XYLT1: variants seen among roughly 807,000 people sequenced by gnomAD.
The protein encoded by XYLT1 is beta-D-xylosyltransferase 1.
Under a neutral mutation model 91.3 loss-of-function variants are expected in XYLT1, and 36 were observed. The ratio of observed to expected loss-of-function variants is 0.39; its 90% CI spans 0.30 to 0.52. The LOEUF is 0.52. Among genes scored for constraint, XYLT1 ranks in the 20% least tolerant of loss-of-function variants. The pLI, the probability that XYLT1 is intolerant of heterozygous loss-of-function variation, is 0.68. For synonymous variants in XYLT1, 588 were observed against 532.0 expected (o/e 1.11, Z -1.45); for missense variants, 1,242 against 1,284.5 (o/e 0.97, Z 0.51).
In XYLT1 at chr16:17,238,488, T is replaced by C. The variant is rs115658417; in HGVS notation, c.913+20500A>G. ...TTGGAAAGTAGCCACAGATGATGCA[T>C]AAATGAATGGGCGTGGTAGTGTTTT... is the stretch of plus-strand genomic sequence containing the variant. On this transcript the variant is annotated intron_variant, in intron 3 of 11. Coordinates refer to ENST00000261381, the MANE Select transcript of XYLT1 (RefSeq NM_022166.4). Among the ~76,000 whole-genome samples, 281 of 152,344 alleles carry C rather than the reference T, an allele frequency of 1.8e-3. 2 individuals carry two copies. The highest frequency in any genetic ancestry group is 0.01 in the Middle Eastern group (3 of 294).
intron 2 of XYLT1, among the ~76,000 whole-genome samples, chr16:17,296,722 T>C (rs554165166): frequency 6.6e-6 from 1 of 152,320 alleles, no homozygotes; most frequent in East Asian, 1.9e-4. Context: ...AAGGACAGGC[T>C]GCAAGAATCT....
chr16:17,188,348 A>T (rs1238668444), intron 5 of XYLT1, among the ~76,000 whole-genome samples: 1 of 152,192 alleles, frequency 6.6e-6, no homozygotes, highest in African/African-American at 2.4e-5. Flanking sequence ...ACCCAACAGG[A>T]CATCTCAAGT....
chr16:17,396,167 T>G (rs1052105163), intron 1 of XYLT1, among the ~76,000 whole-genome samples: 1 of 152,228 alleles, frequency 6.6e-6, no homozygotes, highest in African/African-American at 2.4e-5. Context: ...ACACCCCTCC[T>G]GTACAGGTTT....
At chr16:17,123,056 C>T (rs557224346) in intron 10 of XYLT1, among the ~76,000 whole-genome samples, 35 of 152,252 alleles carry the variant, frequency 2.3e-4, no homozygotes, top group African/African-American at 7.7e-4. Context: ...TTTGGCTATG[C>T]AGGCTCTTTT....
chr16:17,374,570 C>A (rs920275334), intron 1 of XYLT1, among the ~76,000 whole-genome samples: 5 of 151,642 alleles, frequency 3.3e-5, no homozygotes, highest in Non-Finnish European at 2.9e-5. Flanking sequence ...ATAACCCACA[C>A]GGTCTAAGAC....
chr16:17,372,843 C>T (rs1480552662), intron 1 of XYLT1, among the ~76,000 whole-genome samples: 5 of 152,116 alleles, frequency 3.3e-5, no homozygotes, highest in African/African-American at 1.2e-4. Context: ...CTTCCCAGGC[C>T]TGTTATTAGG....
intron 1 of XYLT1, among the ~76,000 whole-genome samples, chr16:17,419,676 T>A (rs2036226362): frequency 6.6e-6 from 1 of 152,176 alleles, no homozygotes. Context: ...CATTTTCACA[T>A]GCTGAAATGG....
intron 1 of XYLT1, among the ~76,000 whole-genome samples, chr16:17,458,106 C>G (rs1421646524): frequency 6.6e-6 from 1 of 152,148 alleles, no homozygotes; most frequent in Non-Finnish European, 1.5e-5. Context: ...TGGTTGAGAG[C>G]TGAGACTCTG....
intron 1 of XYLT1, among the ~76,000 whole-genome samples, chr16:17,449,042 A>G (rs1305252114): frequency 6.6e-6 from 1 of 152,150 alleles, no homozygotes; most frequent in Non-Finnish European, 1.5e-5. Context: ...ACCAACTGAG[A>G]CAAAGAGGGA....
At chr16:17,325,202 A>C (rs2141833378) in intron 2 of XYLT1, among the ~76,000 whole-genome samples, 1 of 152,296 alleles carries the variant, frequency 6.6e-6, no homozygotes, top group East Asian at 1.9e-4. Flanking sequence ...GTTCGAGACC[A>C]GTCTGGCCAA....
intron 1 of XYLT1, among the ~76,000 whole-genome samples, chr16:17,397,331 G>A (rs2035900101): frequency 6.6e-6 from 1 of 152,160 alleles, no homozygotes; most frequent in South Asian, 2.1e-4. Flanking sequence ...GGTGGCTCAT[G>A]GGCCCAGAAA....
intron 3 of XYLT1, among the ~76,000 whole-genome samples, chr16:17,247,208 C>T (rs76881214): frequency 0.013 from 1,949 of 148,760 alleles, 21 homozygotes; most frequent in Non-Finnish European, 0.019. Context: ...GTCTGGGCTC[C>T]TTCCTTCTTG....
In XYLT1 at chr16:17,470,826, G is replaced by T. The variant is rs1349984004; in HGVS notation, c.-30C>A. On this transcript the variant is annotated 5_prime_UTR_variant, in exon 1 of 12. Coordinates refer to ENST00000261381, the MANE Select transcript of XYLT1 (RefSeq NM_022166.4). ...GGAGCGCGGCCGGCGAGCGAGGCGCGGGGACCCCGGCACGCTCCGGGCCGC... is the reference window on the plus strand; with the variant it reads ...GGAGCGCGGCCGGCGAGCGAGGCGCTGGGACCCCGGCACGCTCCGGGCCGC... The T allele has an allele frequency of 5.8e-6, 5 of 866,346 alleles. No homozygotes were observed. The highest frequency in any genetic ancestry group is 5.5e-5 in the South Asian group (1 of 18,174). 53.7% of individuals were successfully genotyped at this position (866,346 alleles called of 1,614,324 possible).
intron 2 of XYLT1, chr16:17,338,305 C>T (rs975364884): frequency 1.5e-5 from 7 of 456,382 alleles, no homozygotes; most frequent in Non-Finnish European, 3.1e-5. Flanking sequence ...TCCCCATTAC[C>T]TACACGATAC....
intron 2 of XYLT1, among the ~76,000 whole-genome samples, chr16:17,311,776 G>C (rs1596476377): frequency 6.7e-6 from 1 of 148,538 alleles, no homozygotes; most frequent in African/African-American, 2.5e-5. Context: ...ACAGTTCCAA[G>C]TGGCTGGGGA....
intron 1 of XYLT1, among the ~76,000 whole-genome samples, chr16:17,451,872 G>C (rs887067482): frequency 6.6e-6 from 1 of 152,136 alleles, no homozygotes; most frequent in Non-Finnish European, 1.5e-5. Flanking sequence ...GAACCTGCAG[G>C]ACACTACAGG....
chr16:17,357,698 T>A (rs2035321204), intron 2 of XYLT1, among the ~76,000 whole-genome samples: 2 of 152,236 alleles, frequency 1.3e-5, no homozygotes, highest in African/African-American at 2.4e-5. Context: ...CTCCTTTGCA[T>A]GAACCTCCGC....
chr16:17,319,528 T>C (rs1366486236), intron 2 of XYLT1, among the ~76,000 whole-genome samples: 2 of 151,958 alleles, frequency 1.3e-5, no homozygotes, highest in African/African-American at 4.8e-5. Context: ...CTGCAACCTC[T>C]GCCTCCCGGA....
intron 1 of XYLT1, among the ~76,000 whole-genome samples, chr16:17,435,153 G>A (rs922947064): frequency 1.3e-5 from 2 of 152,222 alleles, no homozygotes; most frequent in African/African-American, 4.8e-5. Context: ...CGCACCATAT[G>A]CAAGAGTCAG....
Sources: allele counts gnomAD v4.1 joint callset (sites outside exome capture counted in the v4.1 genomes callset), GRCh38; gene constraint gnomAD v4.1.1; transcripts MANE v1.5; gene names NCBI Gene and HGNC (gene_info 2026-07-23, HGNC 2026-07-21).